Variants in CPNE8 observed in about 807,000 individuals in gnomAD.
CPNE8 encodes the protein copine 8.
A neutral mutation model predicts 81.5 loss-of-function variants in CPNE8; 45 were observed. That is an observed-to-expected ratio of 0.55 (90% CI 0.44 to 0.71). CPNE8 has a LOEUF of 0.71. Ranked by LOEUF, CPNE8 falls within the 30% of genes least tolerant of loss-of-function variation. The pLI, the probability that CPNE8 is intolerant of heterozygous loss-of-function variation, is 0.00. For missense variants in CPNE8, 594 were observed against 672.1 expected (o/e 0.88, Z 1.28); for synonymous variants, 252 against 226.3 (o/e 1.11, Z -1.02).
chr12:38,788,374 T>C (rs1165904162), intron 6 of CPNE8, among the ~76,000 whole-genome samples: 2 of 151,930 alleles, frequency 1.3e-5, no homozygotes, highest in East Asian at 1.9e-4. Flanking sequence ...ATCATTTCAA[T>C]TGATGCTGAA....
At chr12:38,864,561 A>G (rs187043433) in intron 3 of CPNE8, among the ~76,000 whole-genome samples, 3 of 152,364 alleles carry the variant, frequency 2.0e-5, no homozygotes, top group Admixed American at 6.5e-5. Flanking sequence ...CCTCACATTT[A>G]CAGTTATTTA....
intron 7 of CPNE8, among the ~76,000 whole-genome samples, chr12:38,775,198 G>A (rs565251762): frequency 6.6e-5 from 10 of 152,140 alleles, no homozygotes; most frequent in Middle Eastern, 3.4e-3. Flanking sequence ...AATAGCTCAC[G>A]GCAGCCTTGA....
intron 6 of CPNE8, among the ~76,000 whole-genome samples, chr12:38,798,597 C>A (rs1377042367): frequency 6.6e-6 from 1 of 151,736 alleles, no homozygotes; most frequent in Non-Finnish European, 1.5e-5. Flanking sequence ...CAAAAACATG[C>A]CAAATTGTAA....
At chr12:38,834,253 A>C (rs73084040) in intron 5 of CPNE8, among the ~76,000 whole-genome samples, 12,336 of 152,144 alleles carry the variant, frequency 0.081, 643 homozygotes, top group East Asian at 0.28. Context: ...ATGGTTAGTA[A>C]ATCTATATCT....
intron 6 of CPNE8, among the ~76,000 whole-genome samples, chr12:38,784,419 A>G (rs750635478): frequency 6.6e-6 from 1 of 152,200 alleles, no homozygotes; most frequent in Non-Finnish European, 1.5e-5. Flanking sequence ...CCTTTTAAAA[A>G]GGAGGCAAAA....
At chr12:38,669,930 G>C (rs10783317) in intron 19 of CPNE8, among the ~76,000 whole-genome samples, 95,080 of 152,020 alleles carry the variant, frequency 0.63, 36,671 homozygotes, top group Non-Finnish European at 0.88. Context: ...AAGAGACACA[G>C]AAGCAGTACA....
chr12:38,695,530 T>G (rs1939773615), intron 14 of CPNE8, among the ~76,000 whole-genome samples: 1 of 152,156 alleles, frequency 6.6e-6, no homozygotes, highest in Non-Finnish European at 1.5e-5. Context: ...AATAAAGCCT[T>G]TCTTGCCTTT....
intron 6 of CPNE8, among the ~76,000 whole-genome samples, chr12:38,805,776 GA>G (rs1942785311): frequency 6.8e-6 from 1 of 146,836 alleles, no homozygotes; most frequent in African/African-American, 2.5e-5. Flanking sequence ...GAAGGAAATA[GA>G]GACACAAAAA....
chr12:38,882,897 C>A (rs2137125006), intron 1 of CPNE8, among the ~76,000 whole-genome samples: 1 of 152,262 alleles, frequency 6.6e-6, no homozygotes, highest in East Asian at 1.9e-4. Flanking sequence ...CATTCTGTTT[C>A]CCAAAATTTC....
chr12:38,817,832 C>G (rs1446873166), intron 6 of CPNE8, among the ~76,000 whole-genome samples: 1 of 151,910 alleles, frequency 6.6e-6, no homozygotes, highest in Non-Finnish European at 1.5e-5. Context: ...ACTGTGTTAG[C>G]CAGGATGGTC....
At chr12:38,892,327 C>T (rs1021916193) in intron 1 of CPNE8, among the ~76,000 whole-genome samples, 1 of 152,234 alleles carries the variant, frequency 6.6e-6, no homozygotes, top group Non-Finnish European at 1.5e-5. Flanking sequence ...AAAGGGGACA[C>T]GCTGAAACAG....
chr12:38,698,197 GT>G (rs1432694586), intron 14 of CPNE8, among the ~76,000 whole-genome samples: 1 of 152,180 alleles, frequency 6.6e-6, no homozygotes, highest in Non-Finnish European at 1.5e-5. Flanking sequence ...TAGGCCACTT[GT>G]ATATCCTTCT....
At chr12:38,705,674 G>C (rs193116739) in intron 13 of CPNE8, among the ~76,000 whole-genome samples, 1 of 152,072 alleles carries the variant, frequency 6.6e-6, no homozygotes, top group African/African-American at 2.4e-5. Flanking sequence ...ACATTGCTTC[G>C]TCATGCTGTG....
chr12:38,785,864 T>G (rs1021343493), intron 6 of CPNE8, among the ~76,000 whole-genome samples: 1 of 151,998 alleles, frequency 6.6e-6, no homozygotes, highest in Admixed American at 6.6e-5. Flanking sequence ...AGTTATAAGA[T>G]AATATCTGCA....
intron 13 of CPNE8, among the ~76,000 whole-genome samples, chr12:38,706,351 C>A (rs1335147747): frequency 6.6e-6 from 1 of 151,998 alleles, no homozygotes; most frequent in African/African-American, 2.4e-5. Flanking sequence ...TTGCTGAAAC[C>A]TGTGTTCTAC....
chr12:38,853,092 G>A (rs909447098), intron 3 of CPNE8, among the ~76,000 whole-genome samples: 8 of 152,084 alleles, frequency 5.3e-5, no homozygotes, highest in African/African-American at 1.9e-4. Flanking sequence ...GACTAGTTCA[G>A]CTTATGGGAA....
intron 16 of CPNE8, chr12:38,679,575 T>C: frequency 1.0e-6 from 1 of 984,904 alleles, no homozygotes; most frequent in Non-Finnish European, 1.2e-6. Flanking sequence ...GAAAATCAAT[T>C]ACATTTTACT....
rs1294780223 is a variant in CPNE8, at chr12:38,748,497, A to AT, written c.722+12349dup. On this transcript the variant is annotated intron_variant, in intron 10 of 19. Coordinates refer to ENST00000331366, the MANE Select transcript of CPNE8 (RefSeq NM_153634.3). ...ATTACTAGATAAAAGTCGTAATAGT[A>AT]TTTTTTTTTTCTTTCTTTTCTGAGA... Among the ~76,000 whole-genome samples the AT allele has an allele frequency of 7.9e-3, 1,169 of 148,552 alleles. 17 individuals carry two copies. Among genetic ancestry groups the AT allele is most frequent in the African/African-American group, 0.024 (990 of 40,516 alleles).
At chr12:38,750,364 C>T (rs79489968) in intron 10 of CPNE8, among the ~76,000 whole-genome samples, 7,702 of 152,216 alleles carry the variant, frequency 0.051, 436 homozygotes, top group East Asian at 0.32. Flanking sequence ...GGGCCATGGT[C>T]CTCCAGACCC....
Sources: gnomAD v4.1 joint callset for allele counts (sites outside exome capture counted in the v4.1 genomes callset) on GRCh38, gnomAD v4.1.1 for gene constraint, MANE v1.5 for transcripts, NCBI Gene and HGNC (gene_info 2026-07-23, HGNC 2026-07-21) for gene names.